SLC30A8: variants seen among roughly 807,000 people sequenced by gnomAD.
The protein encoded by SLC30A8 is solute carrier family 30 member 8, also known as proton-coupled zinc antiporter SLC30A8.
A neutral mutation model predicts 36.9 loss-of-function variants in SLC30A8; 27 were observed. That is an observed-to-expected ratio of 0.73 (90% CI 0.54 to 1.01). The LOEUF (loss-of-function observed/expected upper bound fraction) is 1.01. Among genes scored for constraint, SLC30A8 ranks in the 50% least tolerant of loss-of-function variants. The probability of loss-of-function intolerance (pLI) is 0.00; values close to 1 mark genes in which losing one functional copy is unlikely to be tolerated. For synonymous variants in SLC30A8, 164 were observed against 172.4 expected (o/e 0.95, Z 0.38); for missense variants, 439 against 452.0 (o/e 0.97, Z 0.26).
rs572219872 is a variant in SLC30A8 at position 117,153,725 on chromosome 8, T to G, written c.418+635T>G. On this transcript the variant is annotated intron_variant, in intron 3 of 7. Coordinates refer to ENST00000456015, the MANE Select transcript of SLC30A8 (RefSeq NM_173851.3). ...CAGTAGCCAAGGTCATGATAAGGGG[T>G]GTGTGTGTGTGTGTGTGTGTGTGTG... is the stretch of plus-strand genomic sequence containing the variant. 7.8e-4 allele frequency among the ~76,000 whole-genome samples: 113 copies of G among 144,326 alleles called. No homozygotes were observed. In the Middle Eastern group the frequency reaches 0.011, roughly 14 times the overall value. The allele number at this position is 144,326 out of a possible 152,430, so 94.7% of individuals were successfully genotyped here. A position where few individuals can be genotyped will look rare whatever the true frequency, so the allele number is the denominator to read the frequency against.
intron 2 of SLC30A8, among the ~76,000 whole-genome samples, chr8:117,128,790 A>T (rs541308984): frequency 6.5e-4 from 99 of 152,148 alleles, no homozygotes; most frequent in South Asian, 2.3e-3. Flanking sequence ...ATGAAGGAAA[A>T]AGGGGATTAT....
intron 1 of SLC30A8, among the ~76,000 whole-genome samples, chr8:116,972,040 G>T (rs907699940): frequency 6.6e-6 from 1 of 152,104 alleles, no homozygotes; most frequent in African/African-American, 2.4e-5. Flanking sequence ...TGAAAAACTA[G>T]CTCAAGTCTT....
At position 117,007,601 on chromosome 8, in the gene SLC30A8, C is replaced by T. The variant is rs113762626; in HGVS notation, c.-265-31618C>T. Among the ~76,000 whole-genome samples, 317 of 152,300 alleles carry T rather than the reference C, an allele frequency of 2.1e-3. 3 individuals carry two copies. Among genetic ancestry groups the T allele is most frequent in the African/African-American group, 7.1e-3 (294 of 41,552 alleles). On this transcript the variant is annotated intron_variant, in intron 1 of 10. Transcript: ENST00000427715. ...ATGTTAAGTCCATTTCAATTCTTTT[C>T]TTCAAATACATAGTCATGATGTGTG...
intron 2 of SLC30A8, among the ~76,000 whole-genome samples, chr8:117,097,580 TAAA>T (rs1819458061): frequency 9.5e-6 from 1 of 105,124 alleles, no homozygotes; most frequent in East Asian, 2.6e-4. Context: ...TATATAATTT[TAAA>T]TAATATATAT....
At chr8:117,023,201 C>G (rs1182100528) in intron 1 of SLC30A8, among the ~76,000 whole-genome samples, 1 of 152,148 alleles carries the variant, frequency 6.6e-6, no homozygotes, top group African/African-American at 2.4e-5. Flanking sequence ...GAATGGCTAT[C>G]ATTAAAAAGT....
At chr8:116,998,514 G>T (rs1163001101) in intron 1 of SLC30A8, among the ~76,000 whole-genome samples, 2 of 152,196 alleles carry the variant, frequency 1.3e-5, no homozygotes, top group Admixed American at 6.5e-5. Flanking sequence ...TCATCTAAGG[G>T]CCTATGCCCT....
chr8:117,052,549 A>G (rs998606913), intron 2 of SLC30A8, among the ~76,000 whole-genome samples: 1 of 152,322 alleles, frequency 6.6e-6, no homozygotes, highest in South Asian at 2.1e-4. Context: ...AGAGAACATG[A>G]CCTTTTTTAT....
intron 2 of SLC30A8, among the ~76,000 whole-genome samples, chr8:117,125,667 A>G (rs891781583): frequency 2.1e-4 from 32 of 151,968 alleles, no homozygotes; most frequent in African/African-American, 7.7e-4. Context: ...CAAGAATGAT[A>G]AAATGGAAAA....
intron 2 of SLC30A8, among the ~76,000 whole-genome samples, chr8:117,078,792 G>A (rs1045774365): frequency 6.6e-6 from 1 of 151,928 alleles, no homozygotes; most frequent in African/African-American, 2.4e-5. Context: ...GGCGCAGGTG[G>A]TCCTCCCACC....
chr8:117,079,046 C>G (rs893099617), intron 2 of SLC30A8, among the ~76,000 whole-genome samples: 3 of 151,208 alleles, frequency 2.0e-5, no homozygotes, highest in African/African-American at 7.3e-5. Flanking sequence ...GAGTCTTGCT[C>G]TGTCGTCCAG....
intron 2 of SLC30A8, among the ~76,000 whole-genome samples, chr8:117,093,970 GC>G (rs1410821156): frequency 2.0e-5 from 3 of 152,256 alleles, no homozygotes; most frequent in African/African-American, 7.2e-5. Context: ...ACTGGCGCTG[GC>G]TCCCTGCGAG....
chr8:117,031,131 A>G (rs1817031123), intron 1 of SLC30A8, among the ~76,000 whole-genome samples: 1 of 152,248 alleles, frequency 6.6e-6, no homozygotes. Context: ...CAAGTATCAG[A>G]TCAGTTTGAC....
chr8:117,069,962 A>G (rs1440796176), intron 2 of SLC30A8, among the ~76,000 whole-genome samples: 1 of 152,194 alleles, frequency 6.6e-6, no homozygotes, highest in Non-Finnish European at 1.5e-5. Context: ...TTCCTCTCAT[A>G]AACACACACA....
At position 117,174,336 on chromosome 8, in the gene SLC30A8, T is replaced by C. The variant is rs949986216; in HGVS notation, c.*1655T>C. 1 of 152,454 alleles carries C rather than the reference T, an allele frequency of 6.6e-6. No individual in the cohort carries two copies. Among genetic ancestry groups the C allele is most frequent in the African/African-American group, 2.4e-5 (1 of 41,448 alleles). 9.4% of individuals were successfully genotyped at this position (152,454 alleles called of 1,614,324 possible). ...TGAAATTTGAGGGCCAAGAAAACAT[T>C]GACTTTGACTGAGGAGGTCACATCT... On this transcript the variant is annotated 3_prime_UTR_variant, in exon 8 of 8. Transcript: ENST00000456015.
At chr8:117,053,460 G>A (rs140411949) in intron 2 of SLC30A8, among the ~76,000 whole-genome samples, 145 of 152,252 alleles carry the variant, frequency 9.5e-4, no homozygotes, top group African/African-American at 3.1e-3. Flanking sequence ...AACAGAGGCC[G>A]TGTTGCTCAG....
chr8:117,020,382 T>C (rs1816661749), intron 1 of SLC30A8, among the ~76,000 whole-genome samples: 1 of 152,176 alleles, frequency 6.6e-6, no homozygotes, highest in South Asian at 2.1e-4. Flanking sequence ...ATGTTAAATA[T>C]TGTCAAGGGT....
At chr8:116,989,014 A>G (rs745772669) in intron 1 of SLC30A8, among the ~76,000 whole-genome samples, 9 of 152,230 alleles carry the variant, frequency 5.9e-5, no homozygotes, top group Non-Finnish European at 1.3e-4. Context: ...AAGTGATTGG[A>G]TAAGATAGAT....
At chr8:117,113,867 T>G (rs1458934690) in intron 2 of SLC30A8, among the ~76,000 whole-genome samples, 3 of 152,144 alleles carry the variant, frequency 2.0e-5, no homozygotes, top group South Asian at 4.1e-4. Context: ...CATGATACAA[T>G]AATGTAGATG....
chr8:117,081,874 A>G lies in SLC30A8; in HGVS notation c.-226+42616A>G, dbSNP rs80119569. On this transcript the variant is annotated intron_variant, in intron 2 of 10. Coordinates refer to the SLC30A8 transcript ENST00000427715. Reference sequence around the variant, plus strand: ...AGGCAATAATTGCCGATTCACAACAATGGGTTGTTCTGTCACCATTTTCTG... The same window carrying G: ...AGGCAATAATTGCCGATTCACAACAGTGGGTTGTTCTGTCACCATTTTCTG... Among the ~76,000 whole-genome samples, 6 of 152,310 alleles carry G rather than the reference A, an allele frequency of 3.9e-5. No individual in the cohort carries two copies. The East Asian group carries it at 1.2e-3, about 29-fold the overall frequency.
Sources: gnomAD v4.1 joint callset for allele counts (sites outside exome capture counted in the v4.1 genomes callset) on GRCh38, gnomAD v4.1.1 for gene constraint, MANE v1.5 for transcripts, NCBI Gene and HGNC (gene_info 2026-07-23, HGNC 2026-07-21) for gene names.